CSMD1: variants seen among roughly 807,000 people sequenced by gnomAD.
CSMD1 encodes the protein CUB and Sushi multiple domains 1.
CSMD1 carries 213 observed loss-of-function variants against 417.5 expected under a neutral mutation model. The ratio of observed to expected loss-of-function variants is 0.51; its 90% CI spans 0.46 to 0.57. The LOEUF is 0.57. CSMD1 is among the 20% of genes least tolerant of loss of function. The pLI is 0.00. For missense variants in CSMD1, 6,923 were observed against 4,529.7 expected (o/e 1.53, Z -15.17); for synonymous variants, 2,862 against 1,736.8 (o/e 1.65, Z -16.11).
At chr8:4,155,714 A>G (rs760654409) in intron 3 of CSMD1, among the ~76,000 whole-genome samples, 1 of 152,146 alleles carries the variant, frequency 6.6e-6, no homozygotes, top group African/African-American at 2.4e-5. Context: ...TACTTCGTCA[A>G]ATCACAACAG....
At chr8:3,609,686 T>C (rs957533315) in intron 8 of CSMD1, among the ~76,000 whole-genome samples, 14 of 151,854 alleles carry the variant, frequency 9.2e-5, no homozygotes, top group South Asian at 2.1e-4. Flanking sequence ...CTTGGCCTTG[T>C]TGGTTGTTAG....
chr8:3,460,673 G>GA (rs1316651176), intron 12 of CSMD1, among the ~76,000 whole-genome samples: 3 of 152,126 alleles, frequency 2.0e-5, no homozygotes, highest in Admixed American at 6.5e-5. Context: ...AATTCGTGGA[G>GA]AAAAAGAGAA....
At chr8:3,894,893 A>T (rs1807250778) in intron 5 of CSMD1, among the ~76,000 whole-genome samples, 1 of 152,188 alleles carries the variant, frequency 6.6e-6, no homozygotes, top group African/African-American at 2.4e-5. Flanking sequence ...ATCCTATAAA[A>T]TTACAGTGGG....
chr8:4,896,537 C>G (rs1401432638), intron 1 of CSMD1, among the ~76,000 whole-genome samples: 1 of 152,086 alleles, frequency 6.6e-6, no homozygotes. Flanking sequence ...TGCTTCATGT[C>G]TTCAGATACT....
chr8:3,243,845 G>T (rs370177201), intron 26 of CSMD1, among the ~76,000 whole-genome samples: 1 of 151,600 alleles, frequency 6.6e-6, no homozygotes, highest in East Asian at 1.9e-4. Context: ...GCAAAGTTTT[G>T]TTATTTTCCT....
At chr8:3,266,091 G>T (rs1177587376) in intron 26 of CSMD1, among the ~76,000 whole-genome samples, 1 of 151,598 alleles carries the variant, frequency 6.6e-6, no homozygotes, top group Non-Finnish European at 1.5e-5. Flanking sequence ...CCATGCCTGG[G>T]GGAAAAATTA....
At chr8:3,992,936 G>C (rs180699879) in intron 5 of CSMD1, among the ~76,000 whole-genome samples, 3 of 152,324 alleles carry the variant, frequency 2.0e-5, no homozygotes, top group Admixed American at 6.5e-5. Context: ...TGTTAACATG[G>C]GATAGGTCAA....
chr8:4,807,600 A>G (rs1042902232), intron 1 of CSMD1, among the ~76,000 whole-genome samples: 5 of 152,224 alleles, frequency 3.3e-5, no homozygotes, highest in African/African-American at 1.2e-4. Context: ...GCATTTTTAC[A>G]GTAATAGTAA....
chr8:4,144,689 T>C (rs1804004531), intron 3 of CSMD1, among the ~76,000 whole-genome samples: 1 of 151,092 alleles, frequency 6.6e-6, no homozygotes, highest in African/African-American at 2.5e-5. Flanking sequence ...TGTGCGGTTT[T>C]ACATACTCGG....
chr8:4,029,948 G>A (rs1164902013), intron 4 of CSMD1, among the ~76,000 whole-genome samples: 1 of 152,166 alleles, frequency 6.6e-6, no homozygotes, highest in Non-Finnish European at 1.5e-5. Flanking sequence ...CAGTGGGGCA[G>A]TCAAATCTTA....
At chr8:4,767,066 G>A (rs1237307309) in intron 1 of CSMD1, among the ~76,000 whole-genome samples, 1 of 152,098 alleles carries the variant, frequency 6.6e-6, no homozygotes, top group Non-Finnish European at 1.5e-5. Flanking sequence ...GCTTTATAAT[G>A]TTATCTAAAG....
chr8:4,143,747 G>A (rs13253149), intron 3 of CSMD1, among the ~76,000 whole-genome samples: 45,141 of 150,918 alleles, frequency 0.3, 8,400 homozygotes, highest in Non-Finnish European at 0.39. Flanking sequence ...TGAAAGGGGG[G>A]ATTTATTAAA....
chr8:4,169,928 T>C (rs547568461), intron 3 of CSMD1, among the ~76,000 whole-genome samples: 8 of 152,106 alleles, frequency 5.3e-5, no homozygotes, highest in African/African-American at 1.9e-4. Flanking sequence ...AGAACGTAAC[T>C]CAGAAGAGAT....
At chr8:4,435,310 G>T (rs73658894) in intron 2 of CSMD1, among the ~76,000 whole-genome samples, 1 of 152,122 alleles carries the variant, frequency 6.6e-6, no homozygotes, top group Non-Finnish European at 1.5e-5. Flanking sequence ...ACAGCCAAAT[G>T]TGACACAGGT....
rs183606425 is a variant in CSMD1, at chr8:4,056,567, G to T, written c.416-24468C>A. Among the ~76,000 whole-genome samples the T allele has an allele frequency of 6.5e-3, 967 of 149,808 alleles. 15 individuals carry two copies. The highest frequency in any genetic ancestry group is 0.023 in the African/African-American group (931 of 39,712). On this transcript the variant is annotated intron_variant, in intron 3 of 69. Transcript: ENST00000635120. Reference sequence around the variant, plus strand: ...ATTATTATTATAGTTTAAGTTTTAGGGTACATGTGCACAATGTGCAGGTAA... The same window carrying T: ...ATTATTATTATAGTTTAAGTTTTAGTGTACATGTGCACAATGTGCAGGTAA...
intron 1 of CSMD1, among the ~76,000 whole-genome samples, chr8:4,954,321 T>C (rs1808944458): frequency 6.6e-6 from 1 of 152,212 alleles, no homozygotes; most frequent in Non-Finnish European, 1.5e-5. Context: ...TAAAGGAAGC[T>C]TGTTATTTAA....
At chr8:4,336,789 C>T (rs1045286875) in intron 3 of CSMD1, among the ~76,000 whole-genome samples, 8 of 152,168 alleles carry the variant, frequency 5.3e-5, no homozygotes, top group African/African-American at 1.7e-4. Context: ...GAGGGAGATG[C>T]CGCCTGGATG....
At position 4,404,484 on chromosome 8, in the gene CSMD1, T is replaced by C. The variant is rs181996388; in HGVS notation, c.415+15469A>G. 1.3e-3 allele frequency among the ~76,000 whole-genome samples: 194 copies of C among 152,264 alleles called. 1 individual carries two copies. Among genetic ancestry groups the C allele is most frequent in the African/African-American group, 4.3e-3 (179 of 41,548 alleles). On this transcript the variant is annotated intron_variant, in intron 3 of 69. Transcript: ENST00000635120. ...AAAGCCAAACTATGTTTGAGGCATA[T>C]TGAGTGATACAAAGATGAGCAGTGG...
At chr8:4,163,031 A>T (rs1233947890) in intron 3 of CSMD1, among the ~76,000 whole-genome samples, 1 of 152,122 alleles carries the variant, frequency 6.6e-6, no homozygotes, top group African/African-American at 2.4e-5. Context: ...AGTAACGTGC[A>T]CTTCAGTTCA....
Sources: gnomAD v4.1 joint callset for allele counts (sites outside exome capture counted in the v4.1 genomes callset) on GRCh38, gnomAD v4.1.1 for gene constraint, MANE v1.5 for transcripts, NCBI Gene and HGNC (gene_info 2026-07-23, HGNC 2026-07-21) for gene names.